PCDH9: variants seen among roughly 807,000 people sequenced by gnomAD.
The protein encoded by PCDH9 is protocadherin-9.
Under a neutral mutation model 70.6 loss-of-function variants are expected in PCDH9, and 24 were observed. The observed-to-expected ratio is 0.34, with a 90% CI of 0.25 to 0.48. The LOEUF is 0.48. Ranked by LOEUF, PCDH9 falls within the 20% of genes least tolerant of loss-of-function variation. The pLI, the probability that PCDH9 is intolerant of heterozygous loss-of-function variation, is 0.99. For missense variants in PCDH9, 1,281 were observed against 1,503.6 expected, an observed-to-expected ratio of 0.85 and a Z score of 2.45; for synonymous variants, 562 against 558.5, an observed-to-expected ratio of 1.01 and a Z score of -0.09.
chr13:66,339,783 C>A, intron 4 of PCDH9, among the ~76,000 whole-genome samples: 1 of 152,062 alleles, frequency 6.6e-6, no homozygotes, highest in Non-Finnish European at 1.5e-5. Flanking sequence ...ACTTTGGAGG[C>A]ACTTTTTAAA....
At chr13:66,696,417 A>G (rs1242320586) in intron 3 of PCDH9, among the ~76,000 whole-genome samples, 1 of 152,200 alleles carries the variant, frequency 6.6e-6, no homozygotes, top group Non-Finnish European at 1.5e-5. Flanking sequence ...TAGAAAGAAC[A>G]TAAGGTAAAC....
intron 4 of PCDH9, among the ~76,000 whole-genome samples, chr13:66,513,609 G>GA (rs1281163535): frequency 1.3e-5 from 2 of 151,098 alleles, no homozygotes; most frequent in East Asian, 3.9e-4. Context: ...CATCTTTAAA[G>GA]AAAAAAATCT....
At chr13:66,403,429 AT>A (rs1957224898) in intron 4 of PCDH9, among the ~76,000 whole-genome samples, 1 of 152,088 alleles carries the variant, frequency 6.6e-6, no homozygotes, top group South Asian at 2.1e-4. Flanking sequence ...TAAAATTTAA[AT>A]TTCATTGAGT....
In PCDH9 at chr13:66,842,728, T is replaced by C. The variant is rs549079913; in HGVS notation, c.3138+60776A>G. On this transcript the variant is annotated intron_variant, in intron 3 of 4. Transcript: ENST00000377865. ...AGATTTCAAAAATAAGAATAAAATA[T>C]CATCTCCTGTTTTGGGTAATGGGAA... 7.2e-5 allele frequency among the ~76,000 whole-genome samples: 11 copies of C among 152,298 alleles called. No individual in the cohort carries two copies. In the East Asian group the frequency reaches 2.1e-3, roughly 29 times the overall value.
intron 3 of PCDH9, among the ~76,000 whole-genome samples, chr13:66,860,905 G>A (rs547288203): frequency 6.6e-6 from 1 of 152,180 alleles, no homozygotes; most frequent in Non-Finnish European, 1.5e-5. Flanking sequence ...TATCAGGCAT[G>A]AAAAGCTACA....
intron 3 of PCDH9, among the ~76,000 whole-genome samples, chr13:66,885,806 T>G (rs2081995552): frequency 6.6e-6 from 1 of 152,186 alleles, no homozygotes; most frequent in African/African-American, 2.4e-5. Context: ...TGGAGATCTC[T>G]GCTGGGCTCC....
At chr13:66,955,541 T>C (rs1174616183) in intron 2 of PCDH9, among the ~76,000 whole-genome samples, 1 of 152,160 alleles carries the variant, frequency 6.6e-6, no homozygotes, top group East Asian at 1.9e-4. Context: ...GATTCTTTCA[T>C]GTTATGAGAC....
At chr13:66,923,855 T>C (rs894300214) in intron 2 of PCDH9, among the ~76,000 whole-genome samples, 4 of 151,796 alleles carry the variant, frequency 2.6e-5, no homozygotes, top group African/African-American at 7.2e-5. Flanking sequence ...TTATTTCATT[T>C]TACTAACTAT....
chr13:67,037,321 G>C (rs1363337365), intron 2 of PCDH9, among the ~76,000 whole-genome samples: 1 of 152,064 alleles, frequency 6.6e-6, no homozygotes, highest in Non-Finnish European at 1.5e-5. Context: ...TATGAACTTG[G>C]CTTCTTGACT....
chr13:66,771,412 G>A (rs116564930), intron 3 of PCDH9, among the ~76,000 whole-genome samples: 2,086 of 151,366 alleles, frequency 0.014, 49 homozygotes, highest in African/African-American at 0.046. Context: ...TTTCCCTTCA[G>A]TCTGTTCTTT....
intron 2 of PCDH9, among the ~76,000 whole-genome samples, chr13:66,997,505 C>CTGTGTTGTTT (rs2084143059): frequency 6.9e-6 from 1 of 144,300 alleles, no homozygotes; most frequent in Non-Finnish European, 1.5e-5. Context: ...CACTGGAGGT[C>CTGTGTTGTTT]TGTTTTGTTT....
chr13:66,444,278 G>C (rs1011575479), intron 4 of PCDH9, among the ~76,000 whole-genome samples: 2 of 152,134 alleles, frequency 1.3e-5, no homozygotes, highest in African/African-American at 2.4e-5. Context: ...TACTCTGTTG[G>C]CCAGTAATGG....
At chr13:66,346,184 A>T (rs1418246327) in intron 4 of PCDH9, among the ~76,000 whole-genome samples, 5 of 152,166 alleles carry the variant, frequency 3.3e-5, no homozygotes. Context: ...TGTTTAATTA[A>T]TATGGAGTAT....
intron 2 of PCDH9, among the ~76,000 whole-genome samples, chr13:66,943,213 T>C (rs879751398): frequency 7.2e-5 from 11 of 152,068 alleles, no homozygotes; most frequent in Admixed American, 2.0e-4. Flanking sequence ...TATATTACAA[T>C]GGTTTGCAAT....
intron 2 of PCDH9, among the ~76,000 whole-genome samples, chr13:67,105,841 A>G (rs1488889947): frequency 6.6e-6 from 1 of 151,808 alleles, no homozygotes; most frequent in Non-Finnish European, 1.5e-5. Context: ...AATGATCTAC[A>G]TAAGTAAAGT....
At chr13:66,801,638 C>T (rs964962016) in intron 3 of PCDH9, among the ~76,000 whole-genome samples, 4 of 152,122 alleles carry the variant, frequency 2.6e-5, no homozygotes, top group African/African-American at 9.6e-5. Context: ...CAGAACTCTA[C>T]ACAAACTAAT....
chr13:66,840,245 A>G lies in PCDH9; in HGVS notation c.3138+63259T>C, dbSNP rs945803337. Reference sequence around the variant, plus strand: ...GGAATCAACTACTCAAAGATCTTTTATATTACATTAGAAAGGTAGTATTTC... The same window carrying G: ...GGAATCAACTACTCAAAGATCTTTTGTATTACATTAGAAAGGTAGTATTTC... On this transcript the variant is annotated intron_variant, in intron 3 of 4. Transcript: ENST00000377865. Among the ~76,000 whole-genome samples, 3 of 149,410 alleles carry G rather than the reference A, an allele frequency of 2.0e-5. No individual in the cohort carries two copies. In the Admixed American group the frequency reaches 2.1e-4, roughly 10 times the overall value.
intron 2 of PCDH9, among the ~76,000 whole-genome samples, chr13:66,939,085 T>G (rs1256553894): frequency 6.6e-6 from 1 of 151,284 alleles, no homozygotes; most frequent in Non-Finnish European, 1.5e-5. Context: ...GGGCCCAATG[T>G]TTTTTTTTCT....
intron 2 of PCDH9, among the ~76,000 whole-genome samples, chr13:67,006,823 GACTT>G (rs1245025774): frequency 6.6e-6 from 1 of 151,824 alleles, no homozygotes; most frequent in African/African-American, 2.4e-5. Flanking sequence ...AGATATAAGT[GACTT>G]ATTTATAATA....
Sources: gnomAD v4.1 joint callset for allele counts (sites outside exome capture counted in the v4.1 genomes callset) on GRCh38, gnomAD v4.1.1 for gene constraint, MANE v1.5 for transcripts, NCBI Gene and HGNC (gene_info 2026-07-23, HGNC 2026-07-21) for gene names.